Variants in ELMO1 observed in about 807,000 individuals in gnomAD.
ELMO1 encodes engulfment and cell motility protein 1.
In ELMO1, 26 loss-of-function variants were observed where a neutral mutation model predicts 98.9. The ratio of observed to expected loss-of-function variants is 0.26; its 90% CI spans 0.19 to 0.36. The LOEUF (loss-of-function observed/expected upper bound fraction) is 0.36. ELMO1 is among the 10% of genes least tolerant of loss of function. The pLI is 1.00. For missense variants in ELMO1, 627 were observed against 935.2 expected (o/e 0.67, Z 4.30); for synonymous variants, 346 against 346.0 (o/e 1.00, Z 0.00).
chr7:37,346,836 C>T (rs1801032181), intron 1 of ELMO1, among the ~76,000 whole-genome samples: 1 of 152,194 alleles, frequency 6.6e-6, no homozygotes, highest in African/African-American at 2.4e-5. Flanking sequence ...TTCTAGGAAT[C>T]AAAGGCCAAG....
Position 37,096,691 on chromosome 7 carries a change from C to CA in ELMO1, c.1227dup (p.Glu410Ter). ...ATACTACTGCGGCCAAAGGGACATT[C>CA]ATGCTTGTCTTCTCGACTACTGTTC... On this transcript the variant is annotated frameshift_variant, in exon 15 of 22. Coordinates refer to ENST00000310758, the MANE Select transcript of ELMO1 (RefSeq NM_014800.11). LOFTEE classifies it high-confidence loss of function. 1 of 1,614,104 alleles carries CA rather than the reference C, an allele frequency of 6.2e-7. No individual in the cohort carries two copies. The highest frequency in any genetic ancestry group is 8.5e-7 in the Non-Finnish European group (1 of 1,179,996).
rs746576764 is a variant in ELMO1 at position 36,854,951 on chromosome 7, C to T, written c.*600G>A. ...GGGAAATTTATGCTAGGGAGGATCA[C>T]GAGGAGGCTGCGGCTGCTGCTCTTG... On this transcript the variant is annotated 3_prime_UTR_variant, in exon 22 of 22. Transcript: ENST00000310758. 2.7e-4 allele frequency: 43 copies of T among 159,538 alleles called. No individual in the cohort carries two copies. The highest frequency in any genetic ancestry group is 9.6e-4 in the African/African-American group (40 of 41,588). 9.9% of individuals were successfully genotyped at this position (159,538 alleles called of 1,614,324 possible). A position where few individuals can be genotyped will look rare whatever the true frequency, so the allele number is the denominator to read the frequency against.
At chr7:36,887,758 A>C in intron 17 of ELMO1, 86 bp from the exon 18 acceptor site, 1 of 1,164,940 alleles carries the variant, frequency 8.6e-7, no homozygotes, top group Non-Finnish European at 1.3e-6. Flanking sequence ...CGGGCAGGGG[A>C]GAACAAGTGC....
intron 8 of ELMO1, among the ~76,000 whole-genome samples, chr7:37,230,618 T>C (rs1043409349): frequency 3.9e-5 from 6 of 152,194 alleles, no homozygotes; most frequent in Admixed American, 6.5e-5. Context: ...TTGGTGAAAG[T>C]AGAACATAAT....
At chr7:36,999,267 TG>T (rs1792456365) in intron 16 of ELMO1, among the ~76,000 whole-genome samples, 1 of 152,196 alleles carries the variant, frequency 6.6e-6, no homozygotes, top group Admixed American at 6.5e-5. Flanking sequence ...CTCATGGGAA[TG>T]GCCCCAAATG....
At position 36,879,046 on chromosome 7, in the gene ELMO1, T is replaced by C. The variant is rs540112573; in HGVS notation, c.1715-929A>G. Among the ~76,000 whole-genome samples the C allele has an allele frequency of 3.2e-3, 486 of 152,344 alleles. 3 individuals carry two copies. Among genetic ancestry groups the C allele is most frequent in the Non-Finnish European group, 5.4e-3 (369 of 68,028 alleles). On this transcript the variant is annotated intron_variant, in intron 18 of 21. Coordinates refer to ENST00000310758, the MANE Select transcript of ELMO1 (RefSeq NM_014800.11). ...ACCAGTTTGGCTTGGACTGGCAATA[T>C]TGGAGCCTAATGTTAACACCTTAGT...
At chr7:37,312,008 C>T (rs750083723) in intron 4 of ELMO1, among the ~76,000 whole-genome samples, 2 of 152,214 alleles carry the variant, frequency 1.3e-5, no homozygotes, top group Non-Finnish European at 1.5e-5. Flanking sequence ...AGGAAAAAAG[C>T]ATAACCATTA....
rs201616410 is a variant in ELMO1 at position 36,855,687 on chromosome 7, C to T, written c.2048G>A (p.Arg683Gln). Reference protein sequence around the residue: ...LGKDMMSDLTRNDLDTLLSME... With the variant: ...LGKDMMSDLTQNDLDTLLSME... ...GCTGAGCAGGGTGTCCAGGTCATTC[C>T]GCGTCAGGTCGCTCATCATGTCCTT... Residue 683 changes from arginine to glutamine, a missense_variant, in exon 22 of 22, where the codon CGG (arginine) becomes CAG (glutamine). Arg to Gln is a conservative substitution (Grantham distance 43). This residue lies in a region of ELMO1 where 492 missense variants were observed against 715.6 expected (regional missense o/e 0.69). Transcript: ENST00000310758. The surrounding 1 kb of genome is among the most constrained non-coding windows in gnomAD (Gnocchi z 4.2). The T allele has an allele frequency of 1.7e-4, 268 of 1,613,964 alleles. No homozygotes were observed. The highest frequency in any genetic ancestry group is 1.7e-4 in the Non-Finnish European group (204 of 1,180,012).
chr7:37,165,031 C>A (rs1273189463), intron 13 of ELMO1, among the ~76,000 whole-genome samples: 1 of 152,006 alleles, frequency 6.6e-6, no homozygotes, highest in African/African-American at 2.4e-5. Context: ...CTTTGTAGTT[C>A]TCCTTGAAGA....
chr7:37,261,128 T>C (rs1436940105), intron 5 of ELMO1, among the ~76,000 whole-genome samples: 2 of 125,964 alleles, frequency 1.6e-5, no homozygotes, highest in East Asian at 2.1e-4. Context: ...ATATAAAAAA[T>C]AGCCAAGTTT....
chr7:37,261,323 T>C (rs541009448), intron 5 of ELMO1, among the ~76,000 whole-genome samples: 1 of 152,338 alleles, frequency 6.6e-6, no homozygotes, highest in Admixed American at 6.5e-5. Flanking sequence ...AAATAGAAAC[T>C]GGGCAGCTGG....
chr7:37,235,503 C>A (rs1226313578), intron 7 of ELMO1, among the ~76,000 whole-genome samples: 2 of 150,274 alleles, frequency 1.3e-5, no homozygotes, highest in Non-Finnish European at 3.0e-5. Context: ...CCTCAAATGT[C>A]AAAAAAATTC....
At chr7:37,120,327 C>T (rs956407073) in intron 14 of ELMO1, among the ~76,000 whole-genome samples, 5 of 152,230 alleles carry the variant, frequency 3.3e-5, no homozygotes, top group South Asian at 2.1e-4. Flanking sequence ...CAGGGAGAGG[C>T]GTTGCCTCAC....
At chr7:37,237,501 G>A (rs1054075966) in intron 7 of ELMO1, among the ~76,000 whole-genome samples, 1 of 152,122 alleles carries the variant, frequency 6.6e-6, no homozygotes, top group African/African-American at 2.4e-5. Flanking sequence ...TGTTAGCCAG[G>A]CTGGCCTCAA....
intron 15 of ELMO1, among the ~76,000 whole-genome samples, chr7:37,083,444 T>G (rs2129238483): frequency 6.6e-6 from 1 of 152,128 alleles, no homozygotes; most frequent in Non-Finnish European, 1.5e-5. Flanking sequence ...AGATTTCCAT[T>G]TAAAAAAATG....
chr7:37,245,032 A>T (rs1307537585), intron 6 of ELMO1, among the ~76,000 whole-genome samples: 1 of 152,214 alleles, frequency 6.6e-6, no homozygotes, highest in Non-Finnish European at 1.5e-5. Context: ...AACTGGCCAA[A>T]CCATCTCTCA....
chr7:37,153,344 C>T (rs1051270294), intron 13 of ELMO1, among the ~76,000 whole-genome samples: 2 of 152,148 alleles, frequency 1.3e-5, no homozygotes, highest in African/African-American at 4.8e-5. Context: ...TCACCTCACC[C>T]GGGAAGCACA....
intron 1 of ELMO1, among the ~76,000 whole-genome samples, chr7:37,399,738 C>G (rs985544290): frequency 3.9e-5 from 6 of 152,182 alleles, no homozygotes; most frequent in Non-Finnish European, 7.3e-5. Context: ...ACTGCTATAT[C>G]TTTAGGGGAG....
rs1304652479 is a variant in ELMO1 at position 37,437,958 on chromosome 7, C to T, written c.-74+10717G>A. On this transcript the variant is annotated intron_variant, in intron 1 of 21. Coordinates refer to ENST00000310758, the MANE Select transcript of ELMO1 (RefSeq NM_014800.11). ...ACTGCAGTCCGCAGTCCGGCCTGGG[C>T]GACAGAGCGAGACTCCGTCTCAAAA... 1.2e-4 allele frequency among the ~76,000 whole-genome samples: 15 copies of T among 129,338 alleles called. 7 individuals carry two copies. The highest frequency in any genetic ancestry group is 1.9e-4 in the Non-Finnish European group (12 of 62,364). 84.9% of individuals were successfully genotyped at this position (129,338 alleles called of 152,430 possible).
Sources: gnomAD v4.1 joint callset for allele counts (sites outside exome capture counted in the v4.1 genomes callset) on GRCh38, gnomAD v4.1.1 for gene constraint, gnomAD v4.1.1 regional missense constraint, Gnocchi (gnomAD v3.1) non-coding constraint, MANE v1.5 for transcripts, NCBI Gene and HGNC (gene_info 2026-07-23, HGNC 2026-07-21) for gene names.